The following FLNB variants were observed in gnomAD, a reference collection of about 807,000 sequenced individuals.
FLNB encodes filamin-B.
A neutral mutation model predicts 250.6 loss-of-function variants in FLNB; 111 were observed. The ratio of observed to expected loss-of-function variants is 0.44; its 90% CI spans 0.38 to 0.52. The LOEUF is 0.52. Ranked by LOEUF, FLNB falls within the 20% of genes least tolerant of loss-of-function variation. FLNB has a pLI of 0.00. For synonymous variants in FLNB, 1,302 were observed against 1,372.1 expected, an observed-to-expected ratio of 0.95 and a Z score of 1.13; for missense variants, 2,869 against 3,447.8, an observed-to-expected ratio of 0.83 and a Z score of 4.20.
chr3:58,141,468 G>C (rs1310808456), intron 29 of FLNB, among the ~76,000 whole-genome samples: 1 of 151,976 alleles, frequency 6.6e-6, no homozygotes, highest in Non-Finnish European at 1.5e-5. Context: ...TGATTCATTG[G>C]ACCTGACTGC....
chr3:58,148,233 A>G lies in FLNB; in HGVS notation c.5756A>G (p.Lys1919Arg). 6.2e-7 allele frequency: 1 copy of G among 1,614,208 alleles called. No individual in the cohort carries two copies. ...TDDSRRCSQV[K>R]LGSAADFLLD... ...GACAGCAGGCGGTGCTCCCAGGTGA[A>G]GTTGGGCTCAGCCGCTGACTTCCTG... The change falls in exon 35 of 46, where the codon AAG becomes AGG. Residue 1919 changes from lysine to arginine, a missense_variant. Lys to Arg is a conservative substitution (Grantham distance 26). Around this residue, in one of 5 missense-constraint regions of FLNB, gnomAD observed 1,084 missense variants for 1,315.5 expected, o/e 0.82. Coordinates refer to ENST00000295956, the MANE Select transcript of FLNB (RefSeq NM_001457.4).
chr3:58,148,101 A>C, intron 34 of FLNB, 105 bp from the exon 35 acceptor site: 1 of 1,147,626 alleles, frequency 8.7e-7, no homozygotes, highest in Non-Finnish European at 1.3e-6. Context: ...AACTTTGTGT[A>C]ATTAGTTCTT....
rs1372232548 is a variant in FLNB, at chr3:58,081,525, G to A, written c.640-104G>A. ...TTCACTTAATTGAGAAGCTGACTCA[G>A]TTTCTTAATATTTGTAGTGCTTGGT... On this transcript the variant is annotated intron_variant, in intron 3 of 45. Transcript: ENST00000295956. 3 of 1,065,634 alleles carry A rather than the reference G, an allele frequency of 2.8e-6. No individual in the cohort carries two copies. The East Asian group carries it at 7.1e-5, about 25-fold the overall frequency. 66.0% of individuals were successfully genotyped at this position (1,065,634 alleles called of 1,614,324 possible).
At position 58,123,238 on chromosome 3, in the gene FLNB, G is replaced by A; in HGVS notation, c.3272G>A (p.Gly1091Asp). 1 of 1,614,198 alleles carries A rather than the reference G, an allele frequency of 6.2e-7. No homozygotes were observed. The highest frequency in any genetic ancestry group is 1.1e-5 in the South Asian group (1 of 91,076). The change falls in exon 21 of 46, where the codon GGT becomes GAT. Residue 1091 changes from glycine (G) to aspartate (D), a missense_variant. This residue lies in a region of FLNB where 1,348 missense variants were observed against 1,466.7 expected (regional missense o/e 0.92). Coordinates refer to ENST00000295956, the MANE Select transcript of FLNB (RefSeq NM_001457.4). ...CEAKIECSDN[G>D]DGTCSVSYLP... ...GCCAAAATCGAGTGCTCCGACAATG[G>A]TGATGGGACCTGCTCCGTCTCTTAC...
chr3:58,091,430 TG>T (rs529589146), intron 4 of FLNB, among the ~76,000 whole-genome samples: 1 of 152,040 alleles, frequency 6.6e-6, no homozygotes, highest in African/African-American at 2.4e-5. Context: ...GATAAGTCAT[TG>T]GGGGAAAAAA....
chr3:58,016,613 C>G (rs1260243872), intron 1 of FLNB, among the ~76,000 whole-genome samples: 3 of 152,002 alleles, frequency 2.0e-5, no homozygotes, highest in Non-Finnish European at 2.9e-5. Flanking sequence ...TTTCCTGGCT[C>G]TAACGGATTA....
Position 58,008,593 on chromosome 3 carries a change from A to C in FLNB, c.29A>C (p.Glu10Ala), listed in dbSNP as rs888581942. Reference sequence around the variant, plus strand: ...CCGGTAACCGAGAAGGATCTAGCTGAGGACGCGCCTTGGAAGAAGATCCAG... The same window carrying C: ...CCGGTAACCGAGAAGGATCTAGCTGCGGACGCGCCTTGGAAGAAGATCCAG... MPVTEKDLAEDAPWKKIQQN... is the reference protein window; with the variant it reads MPVTEKDLAADAPWKKIQQN... The change falls in exon 1 of 46, where the codon GAG becomes GCG. Residue 10 changes from glutamate to alanine, a missense_variant. Around this residue, in one of 5 missense-constraint regions of FLNB, gnomAD observed 308 missense variants for 466.1 expected, o/e 0.66. Transcript: ENST00000295956. The C allele has an allele frequency of 1.9e-6, 3 of 1,608,200 alleles. No homozygotes were observed. In the African/African-American group the frequency reaches 4.0e-5, roughly 22 times the overall value.
chr3:58,095,122 T>G (rs879503470), intron 5 of FLNB, among the ~76,000 whole-genome samples, 168 bp downstream of exon 5: 10 of 152,084 alleles, frequency 6.6e-5, no homozygotes, highest in Admixed American at 6.5e-4. Context: ...GCCCAAGAGG[T>G]GAGCCTTGAA....
chr3:58,148,210 C>T lies in FLNB; in HGVS notation c.5733C>T (p.Asp1911=). 4 of 1,614,214 alleles carry T rather than the reference C, an allele frequency of 2.5e-6. No individual in the cohort carries two copies. Among genetic ancestry groups the T allele is most frequent in the Non-Finnish European group, 3.4e-6 (4 of 1,180,042 alleles). The change falls in exon 35 of 46, where the codon GAC becomes GAT. Residue 1911 remains aspartate, a synonymous_variant. Transcript: ENST00000295956. ...TTTTTGGGGGATGTTTCCCAGATGA[C>T]AGCAGGCGGTGCTCCCAGGTGAAGT... ...GSPFTAKITD[D]SRRCSQVKLG...
At chr3:58,106,285 A>G (rs2107104100) in intron 11 of FLNB, among the ~76,000 whole-genome samples, 1 of 151,608 alleles carries the variant, frequency 6.6e-6, no homozygotes, top group Non-Finnish European at 1.5e-5. Flanking sequence ...CACATCTCCA[A>G]CAGAAGGGTT....
chr3:58,160,300 TC>T (rs1326753628), intron 42 of FLNB, among the ~76,000 whole-genome samples: 2 of 152,226 alleles, frequency 1.3e-5, no homozygotes, highest in Non-Finnish European at 2.9e-5. Context: ...GGCCCTAATG[TC>T]CTAAGATTTT....
intron 1 of FLNB, among the ~76,000 whole-genome samples, chr3:58,046,511 G>A (rs2097154527): frequency 6.7e-6 from 1 of 149,928 alleles, no homozygotes; most frequent in Non-Finnish European, 1.5e-5. Flanking sequence ...GTGCAGTGGT[G>A]CAGTCTTGGC....
At chr3:58,151,431 T>G (rs2097344789) in intron 38 of FLNB, 1 of 148,444 alleles carries the variant, frequency 6.7e-6, no homozygotes. Flanking sequence ...GTACTGATCG[T>G]TTGTAGTCAT....
At chr3:58,028,333 G>T (rs2097126216) in intron 1 of FLNB, among the ~76,000 whole-genome samples, 1 of 152,024 alleles carries the variant, frequency 6.6e-6, no homozygotes, top group South Asian at 2.1e-4. Flanking sequence ...GAAAATCACA[G>T]GACTAAATTC....
At chr3:58,088,902 C>T (rs1396572368) in intron 4 of FLNB, among the ~76,000 whole-genome samples, 1 of 152,140 alleles carries the variant, frequency 6.6e-6, no homozygotes, top group Non-Finnish European at 1.5e-5. Context: ...GCCAGAACTC[C>T]CACCTTCACG....
Position 58,171,293 on chromosome 3 carries a change from C to A in FLNB, c.*531C>A, listed in dbSNP as rs1013617457. ...GCTTTACCGCTCCTCATCGCCAACACCCCCATGCTCTGTGGCCTTCTTACA... is the reference window on the plus strand; with the variant it reads ...GCTTTACCGCTCCTCATCGCCAACAACCCCATGCTCTGTGGCCTTCTTACA... On this transcript the variant is annotated 3_prime_UTR_variant, in exon 46 of 46. Transcript: ENST00000295956. The surrounding 1 kb of genome is among the most constrained non-coding windows in gnomAD (Gnocchi z 5.5). 1 of 165,962 alleles carries A rather than the reference C, an allele frequency of 6.0e-6. No homozygotes were observed. Among genetic ancestry groups the A allele is most frequent in the Non-Finnish European group, 1.3e-5 (1 of 76,680 alleles). The allele number at this position is 165,962 out of a possible 1,614,324, so 10.3% of individuals were successfully genotyped here. A position where few individuals can be genotyped will look rare whatever the true frequency, so the allele number is the denominator to read the frequency against.
At chr3:58,045,792 G>T (rs1410799005) in intron 1 of FLNB, among the ~76,000 whole-genome samples, 1 of 152,090 alleles carries the variant, frequency 6.6e-6, no homozygotes, top group Non-Finnish European at 1.5e-5. Flanking sequence ...TTGAAGTCAG[G>T]AGTTCAAGAC....
intron 6 of FLNB, among the ~76,000 whole-genome samples, chr3:58,096,844 C>T (rs997332571): frequency 6.6e-6 from 1 of 152,178 alleles, no homozygotes; most frequent in African/African-American, 2.4e-5. Context: ...AAGAACTCTC[C>T]TTGGAGGTGC....
chr3:58,069,480 G>T (rs992426683), intron 1 of FLNB, among the ~76,000 whole-genome samples: 1 of 151,914 alleles, frequency 6.6e-6, no homozygotes, highest in Non-Finnish European at 1.5e-5. Context: ...ACCTCAGGAG[G>T]TCCTCCTGCC....
Sources: allele counts gnomAD v4.1 joint callset (sites outside exome capture counted in the v4.1 genomes callset), GRCh38; gene constraint gnomAD v4.1.1; regional missense constraint gnomAD v4.1.1; non-coding constraint Gnocchi (gnomAD v3.1); transcripts MANE v1.5; gene names NCBI Gene and HGNC (gene_info 2026-07-23, HGNC 2026-07-21).